GALNT13: variants seen among roughly 807,000 people sequenced by gnomAD.
GALNT13 encodes polypeptide N-acetylgalactosaminyltransferase 13, also known as UDP-GalNAc:polypeptide N-acetylgalactosaminyltransferase 13.
Under a neutral mutation model 64.2 loss-of-function variants are expected in GALNT13, and 28 were observed. The ratio of observed to expected loss-of-function variants is 0.44; its 90% CI spans 0.32 to 0.60. The LOEUF (loss-of-function observed/expected upper bound fraction) is 0.60. GALNT13 is among the 20% of genes least tolerant of loss of function. The probability of loss-of-function intolerance (pLI) is 0.05; values close to 1 mark genes in which losing one functional copy is unlikely to be tolerated. For missense variants in GALNT13, 577 were observed against 669.8 expected, an observed-to-expected ratio of 0.86 and a Z score of 1.53; for synonymous variants, 214 against 224.6, an observed-to-expected ratio of 0.95 and a Z score of 0.42.
chr2:153,409,830 T>C, the GALNT13 span, among the ~76,000 whole-genome samples: 1 of 152,100 alleles, frequency 6.6e-6, no homozygotes, highest in African/African-American at 2.4e-5. Flanking sequence ...AAGCAAATAA[T>C]AAACATTTTC....
chr2:153,388,836 T>G, the GALNT13 span, among the ~76,000 whole-genome samples: 1 of 151,980 alleles, frequency 6.6e-6, no homozygotes. Context: ...GACTGTCGAT[T>G]TCTCTGTTTT....
chr2:154,218,707 C>T (rs958929100), intron 4 of GALNT13, among the ~76,000 whole-genome samples: 1 of 152,046 alleles, frequency 6.6e-6, no homozygotes, highest in Non-Finnish European at 1.5e-5. Flanking sequence ...GCCATATTTT[C>T]TCAGCATTAC....
At chr2:154,226,783 C>A (rs1051485825) in intron 4 of GALNT13, among the ~76,000 whole-genome samples, 15 of 151,788 alleles carry the variant, frequency 9.9e-5, no homozygotes, top group African/African-American at 3.6e-4. Context: ...GTTTTTATGC[C>A]GCAAGAACAA....
the GALNT13 span, among the ~76,000 whole-genome samples, chr2:153,100,222 C>A: frequency 6.6e-6 from 1 of 152,266 alleles, no homozygotes; most frequent in East Asian, 1.9e-4. Flanking sequence ...CCAAAACTTT[C>A]AGACTCTAAC....
intron 1 of GALNT13, among the ~76,000 whole-genome samples, chr2:153,880,099 AT>A (rs1477195264): frequency 4.6e-5 from 7 of 152,170 alleles, no homozygotes; most frequent in African/African-American, 1.7e-4. Context: ...ATAAGAAACA[AT>A]TTATTTTCCT....
At chr2:153,193,652 T>TAA in the GALNT13 span, among the ~76,000 whole-genome samples, 23,009 of 148,720 alleles carry the variant, frequency 0.15, 2,730 homozygotes, top group East Asian at 0.67. Context: ...TTCATTTTAA[T>TAA]AAAAAAAAAA....
the GALNT13 span, among the ~76,000 whole-genome samples, chr2:153,840,955 T>C: frequency 6.7e-6 from 1 of 150,110 alleles, no homozygotes; most frequent in Non-Finnish European, 1.5e-5. Context: ...GTATGTAACC[T>C]TCGAATATTA....
Position 154,414,345 on chromosome 2 carries a change from G to A in GALNT13, c.1395+5263G>A, listed in dbSNP as rs555478865. 2.4e-4 allele frequency among the ~76,000 whole-genome samples: 36 copies of A among 151,936 alleles called. No homozygotes were observed. In the South Asian group the frequency reaches 6.8e-3, roughly 29 times the overall value. On this transcript the variant is annotated intron_variant, in intron 11 of 12. Transcript: ENST00000392825. The stretch of plus-strand genomic sequence containing the variant: ...AGTGTTATTATCTTATTTTACTTAC[G>A]AATGTAATGGAAATCTTGAGTGATT...
intron 3 of GALNT13, among the ~76,000 whole-genome samples, chr2:153,982,471 T>C (rs1694527947): frequency 6.6e-6 from 1 of 152,110 alleles, no homozygotes; most frequent in Non-Finnish European, 1.5e-5. Flanking sequence ...AATTTTGTTA[T>C]AAGTTGTAGT....
chr2:153,237,185 ATACG>A, the GALNT13 span, among the ~76,000 whole-genome samples: 18 of 152,046 alleles, frequency 1.2e-4, no homozygotes, highest in Non-Finnish European at 2.2e-4. Context: ...AGCAAATAAA[ATACG>A]TTTTTCCTCT....
At chr2:154,071,245 T>C (rs550705495) in intron 3 of GALNT13, among the ~76,000 whole-genome samples, 2 of 152,290 alleles carry the variant, frequency 1.3e-5, no homozygotes, top group African/African-American at 4.8e-5. Flanking sequence ...TCCTGAAAAC[T>C]AGCATAACTG....
intron 9 of GALNT13, among the ~76,000 whole-genome samples, chr2:154,315,763 T>C (rs1694287145): frequency 1.3e-5 from 2 of 152,256 alleles, no homozygotes; most frequent in Admixed American, 1.3e-4. Flanking sequence ...TATTGTTGGT[T>C]ACTTCAGTTC....
At chr2:154,177,333 TTTCAACTATATGACA>T (rs1283734421) in intron 4 of GALNT13, among the ~76,000 whole-genome samples, 6 of 152,072 alleles carry the variant, frequency 3.9e-5, no homozygotes, top group African/African-American at 1.2e-4. Flanking sequence ...AACTCTATGG[TTTCAACTATATGACA>T]TTGTGGAAAA....
At chr2:153,913,830 G>A (rs72863683) in intron 2 of GALNT13, among the ~76,000 whole-genome samples, 1 of 152,088 alleles carries the variant, frequency 6.6e-6, no homozygotes, top group East Asian at 1.9e-4. Flanking sequence ...TGCCTCTGAA[G>A]ATATGCTCAG....
chr2:154,353,729 T>C (rs1453893633), intron 9 of GALNT13, among the ~76,000 whole-genome samples: 4 of 152,180 alleles, frequency 2.6e-5, no homozygotes, highest in Non-Finnish European at 5.9e-5. Flanking sequence ...ATCCATGTTG[T>C]GGCGGATGGC....
At chr2:153,170,711 C>T in the GALNT13 span, among the ~76,000 whole-genome samples, 2 of 152,158 alleles carry the variant, frequency 1.3e-5, no homozygotes, top group Non-Finnish European at 2.9e-5. Context: ...ATGAAGTTAA[C>T]ATTATCTAAC....
the GALNT13 span, among the ~76,000 whole-genome samples, chr2:153,530,678 A>G: frequency 3.9e-5 from 6 of 152,140 alleles, no homozygotes; most frequent in Non-Finnish European, 8.8e-5. Flanking sequence ...AGAACAAAAA[A>G]AAATCAAAAA....
the GALNT13 span, among the ~76,000 whole-genome samples, chr2:153,291,569 C>A: frequency 6.6e-6 from 1 of 152,098 alleles, no homozygotes; most frequent in Non-Finnish European, 1.5e-5. Flanking sequence ...CACCACCATG[C>A]TGGGCCAGGG....
At chr2:153,768,954 A>T in the GALNT13 span, among the ~76,000 whole-genome samples, 6 of 152,136 alleles carry the variant, frequency 3.9e-5, no homozygotes, top group East Asian at 9.7e-4. Context: ...TGTTATATAT[A>T]TTTTTCTATT....
Sources: gnomAD v4.1 joint callset for allele counts (sites outside exome capture counted in the v4.1 genomes callset) on GRCh38, gnomAD v4.1.1 for gene constraint, MANE v1.5 for transcripts, NCBI Gene and HGNC (gene_info 2026-07-23, HGNC 2026-07-21) for gene names.